The following TBCD variants were observed in gnomAD, a reference collection of about 807,000 sequenced individuals.
The protein encoded by TBCD is tubulin folding cofactor D.
TBCD carries 105 observed loss-of-function variants against 169.3 expected under a neutral mutation model. That is an observed-to-expected ratio of 0.62 (90% CI 0.53 to 0.73). TBCD has a LOEUF of 0.73. Among genes scored for constraint, TBCD ranks in the 30% least tolerant of loss-of-function variants. The probability of loss-of-function intolerance (pLI) is 0.00; values close to 1 mark genes in which losing one functional copy is unlikely to be tolerated. For synonymous variants in TBCD, 700 were observed against 643.9 expected (o/e 1.09, Z -1.32); for missense variants, 1,444 against 1,600.1 (o/e 0.90, Z 1.66).
Position 82,930,393 on chromosome 17 carries a change from C to T in TBCD, c.2992-129C>T. On this transcript the variant is annotated intron_variant, in intron 32 of 38. Transcript: ENST00000355528. The surrounding 1 kb of genome is among the most constrained non-coding windows in gnomAD (Gnocchi z 5.2). ...TGGCGTCCGCACCAGCCGCTTGGGGCCAGACCTTCGCGTCTCTGCAGCTCG... is the reference window on the plus strand; with the variant it reads ...TGGCGTCCGCACCAGCCGCTTGGGGTCAGACCTTCGCGTCTCTGCAGCTCG... 7.3e-7 allele frequency: 1 copy of T among 1,377,972 alleles called. No individual in the cohort carries two copies. The highest frequency in any genetic ancestry group is 9.6e-7 in the Non-Finnish European group (1 of 1,037,956). 85.4% of individuals were successfully genotyped at this position (1,377,972 alleles called of 1,614,324 possible).
chr17:82,854,560 A>G (rs57157811), intron 13 of TBCD, among the ~76,000 whole-genome samples: 11,866 of 152,288 alleles, frequency 0.078, 518 homozygotes, highest in East Asian at 0.13. Context: ...GGGGGTGTAC[A>G]GATACTGTTG....
rs1004840519 is a variant in TBCD at position 82,784,123 on chromosome 17, G to GA, written c.771+2412dup. ...TAGGTGACAGAGCAAGACTCTGCCA[G>GA]AAAAAAAAAACAGAAAAAACAAACC... On this transcript the variant is annotated intron_variant, in intron 7 of 38. Coordinates refer to ENST00000355528, the MANE Select transcript of TBCD (RefSeq NM_005993.5). Among the ~76,000 whole-genome samples, 340 of 147,168 alleles carry GA rather than the reference G, an allele frequency of 2.3e-3. 1 individual carries two copies. The highest frequency in any genetic ancestry group is 2.6e-3 in the African/African-American group (103 of 40,174).
intron 14 of TBCD, among the ~76,000 whole-genome samples, chr17:82,883,385 C>A: frequency 6.6e-6 from 1 of 152,272 alleles, no homozygotes; most frequent in African/African-American, 2.4e-5. Flanking sequence ...CCCCTGTGTT[C>A]TGTGCAACGC....
chr17:82,940,405 C>A (rs971051517), intron 37 of TBCD, among the ~76,000 whole-genome samples: 2 of 152,182 alleles, frequency 1.3e-5, no homozygotes, highest in Non-Finnish European at 2.9e-5. Context: ...TGAGGGCCTC[C>A]GTGCTGATCC....
At chr17:82,872,517 CA>C (rs1296631538) in intron 14 of TBCD, among the ~76,000 whole-genome samples, 4 of 152,252 alleles carry the variant, frequency 2.6e-5, no homozygotes, top group East Asian at 3.8e-4. Flanking sequence ...TGCCAGCCTG[CA>C]GCGCTGCTGT....
rs979897635 is a variant in TBCD, at chr17:82,833,042, G to A, written c.1318+18108G>A. On this transcript the variant is annotated intron_variant, in intron 13 of 38. Coordinates refer to ENST00000355528, the MANE Select transcript of TBCD (RefSeq NM_005993.5). This position sits in a 1 kb window ranked among gnomAD's most constrained non-coding sequence, Gnocchi z 4.7. ...AGCCCCCTCCCAGGGTCTGGACAGAGTCCTGTCCCAGGGCTGCCCGACTCT... is the reference window on the plus strand; with the variant it reads ...AGCCCCCTCCCAGGGTCTGGACAGAATCCTGTCCCAGGGCTGCCCGACTCT... Among the ~76,000 whole-genome samples, 3 of 152,130 alleles carry A rather than the reference G, an allele frequency of 2.0e-5. No individual in the cohort carries two copies. Among genetic ancestry groups the A allele is most frequent in the African/African-American group, 7.2e-5 (3 of 41,428 alleles).
At chr17:82,862,473 G>T (rs911393997) in intron 13 of TBCD, among the ~76,000 whole-genome samples, 2 of 151,996 alleles carry the variant, frequency 1.3e-5, no homozygotes, top group African/African-American at 4.8e-5. Flanking sequence ...ATGGCCTTGG[G>T]TTCTTTCCTC....
At chr17:82,928,967 G>A (rs1213589670) in intron 30 of TBCD, 146 bp from the exon 31 acceptor site, 2 of 1,021,642 alleles carry the variant, frequency 2.0e-6, no homozygotes, top group Non-Finnish European at 2.8e-6. Flanking sequence ...GGTGTCAGCT[G>A]CCAACTCAGC....
intron 6 of TBCD, among the ~76,000 whole-genome samples, chr17:82,778,158 G>GAT (rs1298560660): frequency 6.6e-6 from 1 of 152,136 alleles, no homozygotes; most frequent in Non-Finnish European, 1.5e-5. Context: ...AATGATTAAT[G>GAT]ATATATATAA....
intron 14 of TBCD, among the ~76,000 whole-genome samples, chr17:82,871,851 T>G (rs1294525244): frequency 6.6e-6 from 1 of 152,242 alleles, no homozygotes; most frequent in African/African-American, 2.4e-5. Context: ...GCGCCTCCAC[T>G]GTGGCTCCTG....
chr17:82,882,656 G>A lies in TBCD; in HGVS notation c.1476-1489G>A, dbSNP rs552958548. On this transcript the variant is annotated intron_variant, in intron 14 of 38. Coordinates refer to ENST00000355528, the MANE Select transcript of TBCD (RefSeq NM_005993.5). The stretch of plus-strand genomic sequence containing the variant: ...GGGTGACAGACAGTGCGAGATGCAG[G>A]AAAACAGGCTCGAGATGCTGTGAAT... 3.3e-5 allele frequency among the ~76,000 whole-genome samples: 5 copies of A among 152,132 alleles called. No individual in the cohort carries two copies. In the South Asian group the frequency reaches 1.0e-3, roughly 32 times the overall value.
chr17:82,807,884 G>A (rs757423447), intron 11 of TBCD, among the ~76,000 whole-genome samples: 8 of 152,220 alleles, frequency 5.3e-5, no homozygotes, highest in Non-Finnish European at 1.0e-4. Context: ...TGGCCCTGCC[G>A]GGTCACGAGC....
chr17:82,809,579 C>G, intron 11 of TBCD, 129 bp from the exon 12 acceptor site: 1 of 965,402 alleles, frequency 1.0e-6, no homozygotes, highest in Non-Finnish European at 1.6e-6. Context: ...GCGGGCTTGC[C>G]TGGAGTTGGC....
At chr17:82,940,536 G>C (rs2063098614) in intron 37 of TBCD, among the ~76,000 whole-genome samples, 1 of 152,214 alleles carries the variant, frequency 6.6e-6, no homozygotes, top group African/African-American at 2.4e-5. Flanking sequence ...GGTTCCCATA[G>C]AGCTCACGCA....
rs2061462573 is a variant in TBCD, at chr17:82,922,211, A to G, written c.2178+634A>G. On this transcript the variant is annotated intron_variant, in intron 25 of 38. Transcript: ENST00000355528. The surrounding 1 kb of genome is among the most constrained non-coding windows in gnomAD (Gnocchi z 4.1). ...CCCCATCTCTACTAAAAATACAAAA[A>G]TTAGCGGGGCGAGGTGGCGCGTGCC... Among the ~76,000 whole-genome samples, 1 of 152,206 alleles carries G rather than the reference A, an allele frequency of 6.6e-6. No individual in the cohort carries two copies. The highest frequency in any genetic ancestry group is 1.5e-5 in the Non-Finnish European group (1 of 68,028).
chr17:82,854,129 A>T (rs370282145), intron 13 of TBCD, among the ~76,000 whole-genome samples: 1 of 152,200 alleles, frequency 6.6e-6, no homozygotes, highest in African/African-American at 2.4e-5. Context: ...CATATTTGAC[A>T]TTGTTGAGTT....
At chr17:82,788,424 G>C (rs1236956419) in intron 7 of TBCD, among the ~76,000 whole-genome samples, 1 of 152,026 alleles carries the variant, frequency 6.6e-6, no homozygotes. Context: ...CTCGGACTGC[G>C]AGACGGGGCT....
chr17:82,775,216 C>CTGGG (rs1339651867), intron 6 of TBCD, among the ~76,000 whole-genome samples: 1 of 152,232 alleles, frequency 6.6e-6, no homozygotes, highest in Non-Finnish European at 1.5e-5. Flanking sequence ...ACACCTGAGC[C>CTGGG]TGGGATCCAG....
chr17:82,942,813 C>T lies in TBCD; in HGVS notation c.*350C>T, dbSNP rs1369257513. 1.8e-5 allele frequency: 7 copies of T among 395,680 alleles called. No homozygotes were observed. Among genetic ancestry groups the T allele is most frequent in the African/African-American group, 2.1e-5 (1 of 48,382 alleles). 24.5% of individuals were successfully genotyped at this position (395,680 alleles called of 1,614,324 possible). A position where few individuals can be genotyped will look rare whatever the true frequency, so the allele number is the denominator to read the frequency against. Reference sequence around the variant, plus strand: ...GGCTGCACTCCTCCTGCCTGGAGACCAGGCCCCCTTCTTGCCTGGTGCTGT... The same window carrying T: ...GGCTGCACTCCTCCTGCCTGGAGACTAGGCCCCCTTCTTGCCTGGTGCTGT... On this transcript the variant is annotated 3_prime_UTR_variant, in exon 39 of 39. Transcript: ENST00000355528.
Sources: allele counts gnomAD v4.1 joint callset (sites outside exome capture counted in the v4.1 genomes callset), GRCh38; gene constraint gnomAD v4.1.1; non-coding constraint Gnocchi (gnomAD v3.1); transcripts MANE v1.5; gene names NCBI Gene and HGNC (gene_info 2026-07-23, HGNC 2026-07-21).